The following PCDHA12 variants were observed in gnomAD, a reference collection of about 807,000 sequenced individuals.
PCDHA12 encodes protocadherin alpha 12, also known as protocadherin alpha-12.
Under a neutral mutation model 60.0 loss-of-function variants are expected in PCDHA12, and 44 were observed. The observed-to-expected ratio is 0.73, with a 90% CI of 0.58 to 0.94. The LOEUF is 0.94. Ranked by LOEUF, PCDHA12 falls within the 40% of genes least tolerant of loss-of-function variation. The pLI is 0.00. For missense variants in PCDHA12, 1,276 were observed against 1,239.7 expected (o/e 1.03, Z -0.44); for synonymous variants, 569 against 553.0 (o/e 1.03, Z -0.40).
In PCDHA12 at chr5:140,911,791, C is replaced by G. The variant is rs567528220; in HGVS notation, c.2367+33952C>G. 3.9e-5 allele frequency among the ~76,000 whole-genome samples: 6 copies of G among 152,230 alleles called. No homozygotes were observed. The East Asian group carries it at 9.6e-4, about 24-fold the overall frequency. ...AGTACAGTCCTTAGCATTTTTGGGT[C>G]TAATCATATTAAGCAGCCTTCTCCA... On this transcript the variant is annotated intron_variant, in intron 1 of 3. Transcript: ENST00000398631.
rs1554262551 is a variant in PCDHA12, at chr5:141,009,910, C to T, written c.2799C>T (p.Asn933=). 1 of 1,612,616 alleles carries T rather than the reference C, an allele frequency of 6.2e-7. No individual in the cohort carries two copies. Among genetic ancestry groups the T allele is most frequent in the Middle Eastern group, 1.7e-4 (1 of 6,048 alleles). Residue 933 remains asparagine (N), a synonymous_variant, in exon 4 of 4, where the codon AAC becomes AAT. Transcript: ENST00000398631. ...NKTQEKKEKG[N]STTDNSDQ Reference sequence around the variant, plus strand: ...CCCAGGAGAAAAAAGAGAAAGGGAACAGCACGACTGACAACAGTGACCAGT... The same window carrying T: ...CCCAGGAGAAAAAAGAGAAAGGGAATAGCACGACTGACAACAGTGACCAGT...
intron 1 of PCDHA12, chr5:140,884,027 G>C (rs2059948411): frequency 6.2e-7 from 1 of 1,613,258 alleles, no homozygotes; most frequent in Admixed American, 1.7e-5. Context: ...GTCGGTGGGT[G>C]CAGGCCACGT....
At chr5:140,924,907 A>AT (rs1242980267) in intron 1 of PCDHA12, among the ~76,000 whole-genome samples, 3,369 of 50,932 alleles carry the variant, frequency 0.066, 44 homozygotes, top group African/African-American at 0.099. Context: ...AAAAAAAAAT[A>AT]AAATAAAATA....
chr5:140,970,872 T>C (rs2096439604), intron 1 of PCDHA12, among the ~76,000 whole-genome samples: 3 of 152,158 alleles, frequency 2.0e-5, no homozygotes, highest in African/African-American at 7.2e-5. Flanking sequence ...TGATTGAGAG[T>C]AGATTTTTCT....
intron 1 of PCDHA12, chr5:140,968,151 T>C: frequency 6.2e-7 from 1 of 1,614,134 alleles, no homozygotes; most frequent in Non-Finnish European, 8.5e-7. Flanking sequence ...ATCTCTGACA[T>C]CAATGACAAT....
chr5:140,961,385 T>G (rs1480607533), intron 1 of PCDHA12, among the ~76,000 whole-genome samples: 3 of 152,204 alleles, frequency 2.0e-5, no homozygotes, highest in Non-Finnish European at 4.4e-5. Flanking sequence ...GTTTGAACTA[T>G]TCCATTAGTA....
intron 1 of PCDHA12, among the ~76,000 whole-genome samples, chr5:140,948,880 C>G (rs1430288840): frequency 6.6e-6 from 1 of 151,410 alleles, no homozygotes; most frequent in Non-Finnish European, 1.5e-5. Flanking sequence ...TTACTTTGCT[C>G]TCTTTTAGAT....
chr5:141,010,321 G>C lies in PCDHA12; in HGVS notation c.*384G>C. On this transcript the variant is annotated 3_prime_UTR_variant, in exon 4 of 4. Transcript: ENST00000398631. Reference sequence around the variant, plus strand: ...GGCTGAAAAGTTTTGAGATTGAGCAGCTTGGGAGTTTGTGGCCACTGGGTA... The same window carrying C: ...GGCTGAAAAGTTTTGAGATTGAGCACCTTGGGAGTTTGTGGCCACTGGGTA... 7 of 1,541,244 alleles carry C rather than the reference G, an allele frequency of 4.5e-6. No homozygotes were observed. In the South Asian group the frequency reaches 8.5e-5, roughly 19 times the overall value.
chr5:140,962,288 A>G (rs1310558261), intron 1 of PCDHA12, among the ~76,000 whole-genome samples: 2 of 152,192 alleles, frequency 1.3e-5, no homozygotes, highest in African/African-American at 4.8e-5. Flanking sequence ...TCAACCTTTA[A>G]TATTCTATGA....
intron 1 of PCDHA12, chr5:140,926,922 T>A: frequency 6.4e-7 from 1 of 1,570,576 alleles, no homozygotes; most frequent in Non-Finnish European, 8.7e-7. Flanking sequence ...CAGTTTTATG[T>A]TTGTGGGTTT....
chr5:140,914,772 C>T lies in PCDHA12; in HGVS notation c.2367+36933C>T, dbSNP rs143748722. On this transcript the variant is annotated intron_variant, in intron 1 of 3. Transcript: ENST00000398631. ...ATTTGAGGTTACATGAGGTTTATGA[C>T]TTATCTTATGACCCATTATTTTAAA... Among the ~76,000 whole-genome samples, 1,217 of 151,940 alleles carry T rather than the reference C, an allele frequency of 8.0e-3. 6 individuals are homozygous for T. The highest frequency in any genetic ancestry group is 0.019 in the African/African-American group (786 of 41,464).
chr5:141,009,298 T>C (rs1196659486), intron 3 of PCDHA12, among the ~76,000 whole-genome samples: 1 of 152,130 alleles, frequency 6.6e-6, no homozygotes, highest in Non-Finnish European at 1.5e-5. Context: ...CTATAAAATT[T>C]TTTTTAAAAA....
intron 1 of PCDHA12, among the ~76,000 whole-genome samples, chr5:140,923,186 C>T (rs559668347): frequency 2.0e-5 from 3 of 152,206 alleles, no homozygotes; most frequent in African/African-American, 7.2e-5. Context: ...GATGCATCTA[C>T]TGCAGCAATT....
chr5:140,985,226 C>T (rs1319001576), intron 3 of PCDHA12, among the ~76,000 whole-genome samples: 6 of 152,126 alleles, frequency 3.9e-5, no homozygotes, highest in Admixed American at 6.5e-5. Flanking sequence ...CGTGAGCCAC[C>T]GCGCCTGGCC....
rs782623559 is a variant in PCDHA12 at position 141,009,752 on chromosome 5, A to G, written c.2641A>G (p.Ile881Val). The G allele has an allele frequency of 3.1e-6, 5 of 1,614,086 alleles. No homozygotes were observed. Among genetic ancestry groups the G allele is most frequent in the East Asian group, 4.5e-5 (2 of 44,882 alleles). The change falls in exon 4 of 4, where the codon ATC becomes GTC. Residue 881 changes from isoleucine (I) to valine (V), a missense_variant. Physicochemically the swap from Ile to Val is conservative, Grantham distance 29. Transcript: ENST00000398631. ...CGGTGAGTTGCCCGACAAATTCATT[A>G]TCCCAGGATCTCCTGCAATCATCTC... ...GPGELPDKFIIPGSPAIISIR... is the reference protein window; with the variant it reads ...GPGELPDKFIVPGSPAIISIR...
At position 140,918,978 on chromosome 5, in the gene PCDHA12, G is replaced by C. The variant is rs1363137172; in HGVS notation, c.2367+41139G>C. On this transcript the variant is annotated intron_variant, in intron 1 of 3. Transcript: ENST00000398631. Reference sequence around the variant, plus strand: ...ACTAAGACAGATATCGTTTAGGTTAGTTGGTTTTTAGTGTTGTTCACATCT... The same window carrying C: ...ACTAAGACAGATATCGTTTAGGTTACTTGGTTTTTAGTGTTGTTCACATCT... Among the ~76,000 whole-genome samples, 5 of 152,204 alleles carry C rather than the reference G, an allele frequency of 3.3e-5. No homozygotes were observed. In the South Asian group the frequency reaches 8.3e-4, roughly 25 times the overall value.
At chr5:140,986,694 C>T (rs556228464) in intron 3 of PCDHA12, among the ~76,000 whole-genome samples, 1 of 152,266 alleles carries the variant, frequency 6.6e-6, no homozygotes, top group South Asian at 2.1e-4. Context: ...TTTCAAAACA[C>T]ACAGCACTGC....
At chr5:140,887,039 T>G (rs1396033565) in intron 1 of PCDHA12, among the ~76,000 whole-genome samples, 2 of 152,156 alleles carry the variant, frequency 1.3e-5, no homozygotes, top group African/African-American at 4.8e-5. Flanking sequence ...TTAATATTTT[T>G]TATAGTGCAT....
chr5:140,883,315 G>A (rs782377860), intron 1 of PCDHA12: 1 of 1,614,104 alleles, frequency 6.2e-7, no homozygotes, highest in Admixed American at 1.7e-5. Flanking sequence ...ACGCCCCAGA[G>A]GTTACCATCA....
Sources: allele counts gnomAD v4.1 joint callset (sites outside exome capture counted in the v4.1 genomes callset), GRCh38; gene constraint gnomAD v4.1.1; transcripts MANE v1.5; gene names NCBI Gene and HGNC (gene_info 2026-07-23, HGNC 2026-07-21).